Variants in TPO observed in about 807,000 individuals in gnomAD.
TPO encodes the protein thyroid peroxidase, also known as thyroid microsomal antigen.
In TPO, 78 loss-of-function variants were observed where a neutral mutation model predicts 96.9. The ratio of observed to expected loss-of-function variants is 0.81; its 90% confidence interval spans 0.67 to 0.97. TPO has a LOEUF of 0.97. Among genes scored for constraint, TPO ranks in the 50% least tolerant of loss-of-function variants. The pLI is 0.00. For synonymous variants in TPO, 547 were observed against 538.0 expected (o/e 1.02, Z -0.23); for missense variants, 1,252 against 1,274.8 (o/e 0.98, Z 0.27).
rs13418570 is a variant in TPO, at chr2:1,416,256, T to A, written c.94+1754T>A. 6.2e-3 allele frequency among the ~76,000 whole-genome samples: 952 copies of A among 152,340 alleles called. 14 individuals carry two copies. Among genetic ancestry groups the A allele is most frequent in the African/African-American group, 0.022 (913 of 41,580 alleles). On this transcript the variant is annotated intron_variant, in intron 2 of 16. Coordinates refer to ENST00000329066, the MANE Select transcript of TPO (RefSeq NM_001206744.2). ...CATCTTCCCAGAATAAATCAGTCAC[T>A]CTATCACCTGGAACATGCTAGATGT...
At chr2:1,475,678 C>G (rs941783284) in intron 7 of TPO, among the ~76,000 whole-genome samples, 4 of 152,212 alleles carry the variant, frequency 2.6e-5, no homozygotes, top group African/African-American at 7.2e-5. Context: ...CCACCTCGGC[C>G]TCCCAAATTG....
At position 1,497,157 on chromosome 2, in the gene TPO, G is replaced by A. The variant is rs527498167; in HGVS notation, c.2386+392G>A. 9.2e-5 allele frequency among the ~76,000 whole-genome samples: 14 copies of A among 152,314 alleles called. No homozygotes were observed. In the South Asian group the frequency reaches 2.7e-3, roughly 29 times the overall value. ...CCTCCACCTCCACCTCCTACAGGTG[G>A]CTGATTCCCAAGCCCATGCCTGGTC... On this transcript the variant is annotated intron_variant, in intron 13 of 16. Transcript: ENST00000329066.
chr2:1,458,027 G>C (rs147241036), intron 7 of TPO, among the ~76,000 whole-genome samples: 6 of 149,288 alleles, frequency 4.0e-5, no homozygotes, highest in Non-Finnish European at 7.4e-5. Flanking sequence ...GTGTGGGCAC[G>C]TGTGTATATG....
At chr2:1,455,397 G>A (rs1027843954) in intron 6 of TPO, among the ~76,000 whole-genome samples, 2 of 152,042 alleles carry the variant, frequency 1.3e-5, no homozygotes, top group African/African-American at 4.8e-5. Flanking sequence ...TCCCATGACG[G>A]CACCAACTCT....
chr2:1,463,672 G>T (rs1331310099), intron 7 of TPO, among the ~76,000 whole-genome samples: 1 of 152,176 alleles, frequency 6.6e-6, no homozygotes, highest in Non-Finnish European at 1.5e-5. Context: ...TTAGGACTGG[G>T]CTTTTCTTCA....
chr2:1,542,393 T>TATTA (rs775940841), intron 16 of TPO, 28 bp from the exon 17 acceptor site: 2 of 1,613,948 alleles, frequency 1.2e-6, no homozygotes, highest in East Asian at 2.2e-5. Context: ...ATTCAGACGT[T>TATTA]ATTAATGTTT....
Position 1,496,098 on chromosome 2 carries a change from A to G in TPO, c.2116A>G (p.Met706Val), listed in dbSNP as rs13431173. 8.9e-3 allele frequency: 14,365 copies of G among 1,614,054 alleles called. 1,088 individuals are homozygous for G. The African/African-American group carries it at 0.17, about 19-fold the overall frequency. ...CDNTGLTRVP[M>V]DAFQVGKFPE... The stretch of plus-strand genomic sequence containing the variant: ...CAACACTGGCCTCACCAGGGTGCCC[A>G]TGGATGCCTTCCAAGTCGGCAAATT... Residue 706 changes from methionine (M) to valine (V), a missense_variant, in exon 12 of 17, where the codon ATG (methionine) becomes GTG (valine). Transcript: ENST00000329066.
intron 1 of TPO, among the ~76,000 whole-genome samples, chr2:1,405,477 A>T (rs892159397): frequency 2.0e-5 from 3 of 150,790 alleles, no homozygotes; most frequent in Non-Finnish European, 4.4e-5. Context: ...CAGTTTCTCC[A>T]TCCATCCATC....
At chr2:1,424,932 T>A (rs1664174466) in intron 3 of TPO, among the ~76,000 whole-genome samples, 1 of 54,476 alleles carries the variant, frequency 1.8e-5, no homozygotes. Context: ...GTTTGATCAT[T>A]TCATATCCTC....
At chr2:1,462,617 T>G (rs889879741) in intron 7 of TPO, among the ~76,000 whole-genome samples, 1 of 152,090 alleles carries the variant, frequency 6.6e-6, no homozygotes, top group Non-Finnish European at 1.5e-5. Flanking sequence ...TATGAAATTT[T>G]AATTTAGTGT....
chr2:1,479,248 C>G (rs1670306556), intron 8 of TPO, among the ~76,000 whole-genome samples: 1 of 152,224 alleles, frequency 6.6e-6, no homozygotes, highest in African/African-American at 2.4e-5. Context: ...ACCCCTGAGG[C>G]CTTCGGCGCT....
Position 1,503,878 on chromosome 2 carries a change from CG to C in TPO, c.2387-65del, listed in dbSNP as rs1046114164. 7.4e-6 allele frequency: 12 copies of C among 1,612,804 alleles called. No individual in the cohort carries two copies. In the African/African-American group the frequency reaches 1.6e-4, roughly 22 times the overall value. ...CCCCAGAGAGAAGCACCTCCCAGAA[CG>C]GGGGTCGCTCGCGGGAGATGGGGGT... On this transcript the variant is annotated intron_variant, in intron 13 of 16. Coordinates refer to ENST00000329066, the MANE Select transcript of TPO (RefSeq NM_001206744.2).
chr2:1,426,208 C>T lies in TPO; in HGVS notation c.179+3079C>T, dbSNP rs55841809. ...TATCCTCAGAAGTCTGTGCTCCTTCCGTAAAGTCATTGTTCTAGATGCCGG... is the reference window on the plus strand; with the variant it reads ...TATCCTCAGAAGTCTGTGCTCCTTCTGTAAAGTCATTGTTCTAGATGCCGG... On this transcript the variant is annotated intron_variant, in intron 3 of 16. Coordinates refer to ENST00000329066, the MANE Select transcript of TPO (RefSeq NM_001206744.2). 3.1e-3 allele frequency among the ~76,000 whole-genome samples: 389 copies of T among 126,690 alleles called. 2 individuals carry two copies. Among genetic ancestry groups the T allele is most frequent in the Middle Eastern group, 5.9e-3 (1 of 170 alleles). The allele number at this position is 126,690 out of a possible 152,430, so 83.1% of individuals were successfully genotyped here.
Position 1,477,339 on chromosome 2 carries a change from A to T in TPO, c.1073A>T (p.Asp358Val). The change falls in exon 8 of 17, where the codon GAC becomes GTC. Residue 358 changes from aspartate (D) to valine (V), a missense_variant. Transcript: ENST00000329066. ...GLLRVHARLR[D>V]SGRAYLPFVP... The stretch of plus-strand genomic sequence containing the variant: ...CTCCGCGTCCACGCGCGCCTCCGGG[A>T]CTCCGGCCGCGCCTACCTGCCCTTC... The T allele has an allele frequency of 6.4e-7, 1 of 1,556,290 alleles. No individual in the cohort carries two copies. Among genetic ancestry groups the T allele is most frequent in the Non-Finnish European group, 8.7e-7 (1 of 1,151,176 alleles).
intron 8 of TPO, among the ~76,000 whole-genome samples, chr2:1,483,423 T>G (rs1214417624): frequency 2.6e-5 from 4 of 152,186 alleles, no homozygotes; most frequent in Non-Finnish European, 4.4e-5. Flanking sequence ...TTCCTTTCTA[T>G]TGTAGTGAGA....
chr2:1,440,151 T>TGTGCTGCGTTTCCACC (rs141696522), intron 5 of TPO, among the ~76,000 whole-genome samples: 72 of 149,722 alleles, frequency 4.8e-4, no homozygotes, highest in African/African-American at 1.6e-3. Context: ...GCGTTTCCAA[T>TGTGCTGCGTTTCCACC]GTGCTGCGTT....
rs779434941 is a variant in TPO, at chr2:1,484,838, G to T, written c.1581G>T (p.Trp527Cys). Reference sequence around the variant, plus strand: ...TGCACCAGGCTTTCTTCAGCCCATGGACATTACTCCGTGGAGGTGAGTGAG... The same window carrying T: ...TGCACCAGGCTTTCTTCAGCCCATGTACATTACTCCGTGGAGGTGAGTGAG... ...LWLHQAFFSP[W>C]TLLRGGGLDP... Residue 527 changes from tryptophan (W) to cysteine (C), a missense_variant, in exon 9 of 17, where the codon TGG becomes TGT. Physicochemically the swap from Trp to Cys is radical, Grantham distance 215 (BLOSUM62 -2). Coordinates refer to ENST00000329066, the MANE Select transcript of TPO (RefSeq NM_001206744.2). The T allele has an allele frequency of 3.1e-5, 50 of 1,613,810 alleles. No homozygotes were observed. The highest frequency in any genetic ancestry group is 2.4e-5 in the Non-Finnish European group (28 of 1,180,054).
chr2:1,416,586 C>A (rs1662984888), intron 2 of TPO, among the ~76,000 whole-genome samples: 2 of 152,238 alleles, frequency 1.3e-5, no homozygotes. Flanking sequence ...TTGGTTGACA[C>A]ATCACGAGTG....
Position 1,542,777 on chromosome 2 carries a change from G to T in TPO, c.*303G>T. 1.5e-6 allele frequency: 1 copy of T among 674,976 alleles called. No individual in the cohort carries two copies. The highest frequency in any genetic ancestry group is 3.0e-5 in the Admixed American group (1 of 33,298). The allele number at this position is 674,976 out of a possible 1,614,324, so 41.8% of individuals were successfully genotyped here. A position where few individuals can be genotyped will look rare whatever the true frequency, so the allele number is the denominator to read the frequency against. ...GAAACACCACTCTTGCAATCCTCCT[G>T]TCTCCACCTTCTGGCATCTCTGATG... On this transcript the variant is annotated 3_prime_UTR_variant, in exon 17 of 17. Coordinates refer to ENST00000329066, the MANE Select transcript of TPO (RefSeq NM_001206744.2).
Sources: allele counts gnomAD v4.1 joint callset (sites outside exome capture counted in the v4.1 genomes callset), GRCh38; gene constraint gnomAD v4.1.1; transcripts MANE v1.5; gene names NCBI Gene and HGNC (gene_info 2026-07-23, HGNC 2026-07-21).